The following KCNMA1 variants were observed in gnomAD, a reference collection of about 807,000 sequenced individuals.
KCNMA1 encodes potassium calcium-activated channel subfamily M alpha 1.
Under a neutral mutation model 140.0 loss-of-function variants are expected in KCNMA1, and 29 were observed. The observed-to-expected ratio is 0.21, with a 90% CI of 0.15 to 0.28. KCNMA1 has a LOEUF of 0.28. Ranked by LOEUF, KCNMA1 falls within the 10% of genes least tolerant of loss-of-function variation. The probability of loss-of-function intolerance (pLI) is 1.00; values close to 1 mark genes in which losing one functional copy is unlikely to be tolerated. For synonymous variants in KCNMA1, 612 were observed against 611.9 expected (o/e 1.00, Z 0.00); for missense variants, 880 against 1,602.2 (o/e 0.55, Z 7.70).
intron 2 of KCNMA1, among the ~76,000 whole-genome samples, chr10:77,280,556 G>T (rs1196374404): frequency 6.6e-6 from 1 of 151,992 alleles, no homozygotes; most frequent in East Asian, 1.9e-4. Context: ...TTGCTTTGTT[G>T]CCCTTTGTTG....
chr10:76,892,431 G>C lies in KCNMA1; in HGVS notation c.3148-712C>G, dbSNP rs1589696753. 2.0e-5 allele frequency among the ~76,000 whole-genome samples: 3 copies of C among 152,180 alleles called. No individual in the cohort carries two copies. In the South Asian group the frequency reaches 6.2e-4, roughly 32 times the overall value. ...AGATCTGTCAGGAACAAAAGAATGG[G>C]AGTTTAAAAAAAATTAATAGGATGT... On this transcript the variant is annotated intron_variant, in intron 25 of 27. Coordinates refer to ENST00000286628, the MANE Select transcript of KCNMA1 (RefSeq NM_001161352.2).
At chr10:77,256,914 G>A (rs1245314739) in intron 2 of KCNMA1, among the ~76,000 whole-genome samples, 3 of 152,126 alleles carry the variant, frequency 2.0e-5, no homozygotes, top group South Asian at 2.1e-4. Context: ...GACCAGCCTG[G>A]GCAACATAGA....
intron 2 of KCNMA1, among the ~76,000 whole-genome samples, chr10:77,342,955 C>T (rs1364248226): frequency 6.6e-6 from 1 of 152,198 alleles, no homozygotes; most frequent in Non-Finnish European, 1.5e-5. Flanking sequence ...GGCAGGGCCT[C>T]ATCAGGTCTC....
At chr10:76,990,903 G>T (rs2082557167) in intron 19 of KCNMA1, among the ~76,000 whole-genome samples, 1 of 152,170 alleles carries the variant, frequency 6.6e-6, no homozygotes, top group South Asian at 2.1e-4. Flanking sequence ...CTCTTCCTTG[G>T]CTTGAGCAGA....
intron 2 of KCNMA1, among the ~76,000 whole-genome samples, chr10:77,270,353 G>A (rs1356040141): frequency 6.6e-6 from 1 of 152,124 alleles, no homozygotes; most frequent in African/African-American, 2.4e-5. Flanking sequence ...GTTGGTCCCG[G>A]GGAACTGGGA....
chr10:76,972,760 T>C (rs1261640340), intron 19 of KCNMA1, among the ~76,000 whole-genome samples: 2 of 152,176 alleles, frequency 1.3e-5, no homozygotes, highest in Non-Finnish European at 2.9e-5. Flanking sequence ...CCTGAAGAGA[T>C]GGGGGAAAAT....
chr10:76,942,734 G>A (rs895167381), intron 23 of KCNMA1, among the ~76,000 whole-genome samples: 5 of 152,126 alleles, frequency 3.3e-5, no homozygotes, highest in African/African-American at 7.2e-5. Flanking sequence ...AATCATGATC[G>A]AGTTTGGAGG....
intron 1 of KCNMA1, chr10:77,636,528 G>A: frequency 6.5e-7 from 1 of 1,536,158 alleles, no homozygotes; most frequent in Non-Finnish European, 8.7e-7. Flanking sequence ...GGGGGCAAAG[G>A]AACAGAGGCC....
At chr10:77,547,712 T>C (rs1555438588) in intron 1 of KCNMA1, among the ~76,000 whole-genome samples, 2 of 152,194 alleles carry the variant, frequency 1.3e-5, no homozygotes. Flanking sequence ...GGAGTCAACA[T>C]GGAATTTTAT....
At chr10:77,612,672 C>T (rs2087410152) in intron 1 of KCNMA1, among the ~76,000 whole-genome samples, 1 of 152,158 alleles carries the variant, frequency 6.6e-6, no homozygotes, top group South Asian at 2.1e-4. Context: ...TGTTAGACTT[C>T]AATTTTAAAA....
At chr10:77,292,323 C>T (rs1291249015) in intron 2 of KCNMA1, among the ~76,000 whole-genome samples, 1 of 152,242 alleles carries the variant, frequency 6.6e-6, no homozygotes, top group African/African-American at 2.4e-5. Context: ...ATTAATTCAT[C>T]CATCCAACAA....
At chr10:77,379,927 T>C (rs1364186574) in intron 2 of KCNMA1, among the ~76,000 whole-genome samples, 1 of 152,146 alleles carries the variant, frequency 6.6e-6, no homozygotes, top group Admixed American at 6.5e-5. Flanking sequence ...TCCTCCCCTA[T>C]GGGCTCCACT....
At chr10:76,971,974 G>GGTGTGT (rs57558756) in intron 19 of KCNMA1, among the ~76,000 whole-genome samples, 5,092 of 148,876 alleles carry the variant, frequency 0.034, 227 homozygotes, top group African/African-American at 0.11. Context: ...AGGGTGTGTG[G>GGTGTGT]GTGTGTGTGT....
chr10:77,122,521 T>A (rs2097635397), intron 5 of KCNMA1, among the ~76,000 whole-genome samples: 1 of 148,846 alleles, frequency 6.7e-6, no homozygotes, highest in South Asian at 2.1e-4. Context: ...AACTAAGAAG[T>A]CACCTCAGAA....
chr10:76,965,059 T>C (rs1565231678), intron 20 of KCNMA1, among the ~76,000 whole-genome samples: 2 of 152,168 alleles, frequency 1.3e-5, no homozygotes, highest in African/African-American at 2.4e-5. Flanking sequence ...ATAGGGTTGG[T>C]AAGGCCCCCA....
At chr10:77,352,633 TGTGTGTGTGTGTGTGTTTG>T (rs2093023525) in intron 2 of KCNMA1, among the ~76,000 whole-genome samples, 1 of 151,548 alleles carries the variant, frequency 6.6e-6, no homozygotes, top group African/African-American at 2.4e-5. Context: ...TGTGTGTGTG[TGTGTGTGTGTGTGTGTTTG>T]TGTGTGTGTG....
chr10:76,936,595 T>C (rs1295787314), intron 23 of KCNMA1, among the ~76,000 whole-genome samples: 1 of 152,110 alleles, frequency 6.6e-6, no homozygotes, highest in Non-Finnish European at 1.5e-5. Context: ...TAATGAAATG[T>C]TATATGGGAG....
At chr10:77,488,887 T>G (rs1435379793) in intron 1 of KCNMA1, among the ~76,000 whole-genome samples, 1 of 152,236 alleles carries the variant, frequency 6.6e-6, no homozygotes, top group East Asian at 1.9e-4. Context: ...ACCATTCTCC[T>G]GTTATAAAAA....
At position 77,415,672 on chromosome 10, in the gene KCNMA1, G is replaced by A. The variant is rs368768666; in HGVS notation, c.379-11649C>T. Among the ~76,000 whole-genome samples, 8 of 152,350 alleles carry A rather than the reference G, an allele frequency of 5.3e-5. No homozygotes were observed. The South Asian group carries it at 6.2e-4, about 12-fold the overall frequency. On this transcript the variant is annotated intron_variant, in intron 1 of 27. Coordinates refer to ENST00000286628, the MANE Select transcript of KCNMA1 (RefSeq NM_001161352.2). ...ACCGGAGGGAGCCCATTGCCATCCT[G>A]TAGACCAGGAGGAGGATCCAGCCCC...
Sources: gnomAD v4.1 joint callset for allele counts (sites outside exome capture counted in the v4.1 genomes callset) on GRCh38, gnomAD v4.1.1 for gene constraint, MANE v1.5 for transcripts, NCBI Gene and HGNC (gene_info 2026-07-23, HGNC 2026-07-21) for gene names.